The following ANO1 variants were observed in gnomAD, a reference collection of about 807,000 sequenced individuals.
ANO1 encodes the protein anoctamin 1.
In ANO1, 59 loss-of-function variants were observed where a neutral mutation model predicts 124.0. That is an observed-to-expected ratio of 0.48 (90% CI 0.39 to 0.59). The LOEUF is 0.59. ANO1 is among the 20% of genes least tolerant of loss of function. The pLI, the probability that ANO1 is intolerant of heterozygous loss-of-function variation, is 0.00. For synonymous variants in ANO1, 529 were observed against 532.0 expected (o/e 0.99, Z 0.08); for missense variants, 1,059 against 1,328.0 (o/e 0.80, Z 3.15).
chr11:70,037,840 C>T (rs868926916), intron 1 of ANO1, among the ~76,000 whole-genome samples: 24 of 152,272 alleles, frequency 1.6e-4, no homozygotes, highest in African/African-American at 5.8e-4. Flanking sequence ...ACAATTACTG[C>T]CATTTGCAGC....
the ANO1 span, among the ~76,000 whole-genome samples, chr11:69,976,891 G>A: frequency 6.5e-3 from 990 of 152,308 alleles, 4 homozygotes; most frequent in Non-Finnish European, 0.011. Context: ...CAGGCCTGGT[G>A]TTTGCCGGGT....
At chr11:70,092,753 A>G (rs12419956) in intron 2 of ANO1, among the ~76,000 whole-genome samples, 33,161 of 152,044 alleles carry the variant, frequency 0.22, 3,742 homozygotes, top group South Asian at 0.33. Context: ...TGGTACCCCA[A>G]GGGTGACCCC....
rs2047839527 is a variant in ANO1 at position 70,156,950 on chromosome 11, G to A, written c.1507G>A (p.Asp503Asn). 1 of 1,613,312 alleles carries A rather than the reference G, an allele frequency of 6.2e-7. No individual in the cohort carries two copies. Among genetic ancestry groups the A allele is most frequent in the Non-Finnish European group, 8.5e-7 (1 of 1,179,700 alleles). The part of the protein sequence containing the change: ...KTAMAGVKLT[D>N]KVKLTWRDRF... ...CCGGCATTGTTTTGTGTTGTAGACT[G>A]ACAAAGTGAAGCTGACATGGAGAGA... Residue 503 changes from aspartate (D) to asparagine (N), a missense_variant, in exon 16 of 26, where the codon GAC becomes AAC. This residue lies in a region of ANO1 where 809 missense variants were observed against 1,094.9 expected (regional missense o/e 0.74). Transcript: ENST00000355303.
At chr11:70,079,653 TA>T (rs1246757543) in intron 1 of ANO1, among the ~76,000 whole-genome samples, 3 of 152,100 alleles carry the variant, frequency 2.0e-5, no homozygotes, top group Non-Finnish European at 2.9e-5. Context: ...AGCTCCCTTC[TA>T]CCTTCTTCCC....
At chr11:70,109,101 T>A (rs2045670006) in intron 6 of ANO1, among the ~76,000 whole-genome samples, 1 of 152,234 alleles carries the variant, frequency 6.6e-6, no homozygotes, top group African/African-American at 2.4e-5. Context: ...AGCTGTCTTA[T>A]GACCTGCTGA....
chr11:70,109,439 C>G (rs2045684933), intron 6 of ANO1, among the ~76,000 whole-genome samples: 1 of 152,170 alleles, frequency 6.6e-6, no homozygotes, highest in African/African-American at 2.4e-5. Context: ...GGCCTGAAGT[C>G]TCTAAGTCCA....
At chr11:70,003,599 A>ATAGATGGGTGGGTGGG (rs1554999649) in intron 1 of ANO1, among the ~76,000 whole-genome samples, 1 of 42,178 alleles carries the variant, frequency 2.4e-5, no homozygotes, top group Non-Finnish European at 5.9e-5. Flanking sequence ...GGATGGGTGG[A>ATAGATGGGTGGGTGGG]TGGATGGATG....
chr11:70,148,263 T>G (rs1281590879), intron 11 of ANO1, among the ~76,000 whole-genome samples: 1 of 152,092 alleles, frequency 6.6e-6, no homozygotes, highest in Non-Finnish European at 1.5e-5. Flanking sequence ...CCTCTGAGCC[T>G]CAGTTTCCCC....
At chr11:70,112,421 C>T (rs1454963880) in intron 7 of ANO1, among the ~76,000 whole-genome samples, 1 of 152,184 alleles carries the variant, frequency 6.6e-6, no homozygotes, top group African/African-American at 2.4e-5. Context: ...CTAAGGAGAC[C>T]CAGATTCCAG....
At chr11:70,016,202 AT>A (rs1188999869) in intron 1 of ANO1, among the ~76,000 whole-genome samples, 1 of 151,688 alleles carries the variant, frequency 6.6e-6, no homozygotes, top group Non-Finnish European at 1.5e-5. Flanking sequence ...TAATTTTTGT[AT>A]TTTTAGTAGA....
intron 1 of ANO1, among the ~76,000 whole-genome samples, chr11:70,030,801 G>C (rs1334134290): frequency 6.6e-6 from 1 of 152,176 alleles, no homozygotes; most frequent in African/African-American, 2.4e-5. Flanking sequence ...GACATCTCTG[G>C]AGGCCAATAT....
intron 8 of ANO1, among the ~76,000 whole-genome samples, chr11:70,122,827 A>G (rs1004670566): frequency 6.6e-6 from 1 of 151,662 alleles, no homozygotes; most frequent in Admixed American, 6.6e-5. Context: ...CCACCTGTCT[A>G]TGGCATAAAT....
At chr11:69,983,253 C>T (rs765009151), upstream of ANO1, among the ~76,000 whole-genome samples, 2 of 152,092 alleles carry the variant, frequency 1.3e-5, no homozygotes, top group Non-Finnish European at 2.9e-5. Context: ...CCTCACCCTA[C>T]GAAACCTATT....
chr11:70,155,228 G>A (rs922473101), intron 14 of ANO1, among the ~76,000 whole-genome samples: 1 of 152,216 alleles, frequency 6.6e-6, no homozygotes, highest in African/African-American at 2.4e-5. Flanking sequence ...CCACAACAGC[G>A]AATCTGGGCA....
chr11:70,022,105 GA>G (rs1856821372), intron 1 of ANO1, among the ~76,000 whole-genome samples: 1 of 152,186 alleles, frequency 6.6e-6, no homozygotes, highest in African/African-American at 2.4e-5. Context: ...AATCCCAGAG[GA>G]AAAAATGCTT....
At chr11:70,175,222 G>A (rs1227319273) in intron 22 of ANO1, among the ~76,000 whole-genome samples, 1 of 152,234 alleles carries the variant, frequency 6.6e-6, no homozygotes, top group Admixed American at 6.5e-5. Context: ...GTGCCTCTTT[G>A]GACTCTTTGC....
chr11:70,045,308 G>C (rs1857241987), intron 1 of ANO1, among the ~76,000 whole-genome samples: 1 of 152,068 alleles, frequency 6.6e-6, no homozygotes, highest in African/African-American at 2.4e-5. Context: ...CTTTTTCATT[G>C]GTAGAAGTCC....
chr11:69,999,823 C>A (rs1256643820), intron 1 of ANO1, among the ~76,000 whole-genome samples: 1 of 152,122 alleles, frequency 6.6e-6, no homozygotes, highest in African/African-American at 2.4e-5. Context: ...GGCTGGGGTT[C>A]CTATCCTTTT....
chr11:69,969,023 A>G, the ANO1 span, among the ~76,000 whole-genome samples: 1 of 152,172 alleles, frequency 6.6e-6, no homozygotes, highest in African/African-American at 2.4e-5. Context: ...AGAGAGGAGC[A>G]GTTAGATATG....
Sources: allele counts gnomAD v4.1 joint callset (sites outside exome capture counted in the v4.1 genomes callset), GRCh38; gene constraint gnomAD v4.1.1; regional missense constraint gnomAD v4.1.1; transcripts MANE v1.5; gene names NCBI Gene and HGNC (gene_info 2026-07-23, HGNC 2026-07-21).